TMEM132D: variants seen among roughly 807,000 people sequenced by gnomAD.
TMEM132D encodes the protein mature OL transmembrane protein.
Under a neutral mutation model 62.3 loss-of-function variants are expected in TMEM132D, and 21 were observed. The observed-to-expected ratio is 0.34, with a 90% CI of 0.24 to 0.49. TMEM132D has a LOEUF of 0.49. TMEM132D is among the 20% of genes least tolerant of loss of function. The pLI is 0.99. For missense variants in TMEM132D, 1,346 were observed against 1,402.8 expected, an observed-to-expected ratio of 0.96 and a Z score of 0.65; for synonymous variants, 621 against 575.6, an observed-to-expected ratio of 1.08 and a Z score of -1.13.
chr12:129,224,997 G>GAAA (rs1879444077), intron 4 of TMEM132D, among the ~76,000 whole-genome samples: 1 of 152,132 alleles, frequency 6.6e-6, no homozygotes, highest in Admixed American at 6.5e-5. Context: ...AATAAATACG[G>GAAA]AAACAGGAGA....
At chr12:129,638,343 G>C (rs1181009257) in intron 2 of TMEM132D, among the ~76,000 whole-genome samples, 2 of 151,934 alleles carry the variant, frequency 1.3e-5, no homozygotes, top group Admixed American at 6.5e-5. Context: ...ACACATCGGA[G>C]GGTAAGACAG....
intron 3 of TMEM132D, among the ~76,000 whole-genome samples, chr12:129,467,474 C>A (rs973409734): frequency 6.6e-6 from 1 of 152,112 alleles, no homozygotes; most frequent in Non-Finnish European, 1.5e-5. Context: ...CATGACCATC[C>A]CTGACCAATC....
In TMEM132D at chr12:129,209,707, C is replaced by T. The variant is rs202240571; in HGVS notation, c.1300-44G>A. ...CCTTCCATCACATCCCCTCCTGAGACGGCCCAGTCCCTGGGAGTATGCCGC... is the reference window on the plus strand; with the variant it reads ...CCTTCCATCACATCCCCTCCTGAGATGGCCCAGTCCCTGGGAGTATGCCGC... On this transcript the variant is annotated intron_variant, in intron 4 of 8. Coordinates refer to ENST00000422113, the MANE Select transcript of TMEM132D (RefSeq NM_133448.3). 1.1e-4 allele frequency: 173 copies of T among 1,608,628 alleles called. 1 individual carries two copies. In the East Asian group the frequency reaches 1.8e-3, roughly 16 times the overall value.
chr12:129,692,848 G>T (rs895562940), intron 2 of TMEM132D, among the ~76,000 whole-genome samples: 2 of 152,038 alleles, frequency 1.3e-5, no homozygotes, highest in African/African-American at 2.4e-5. Flanking sequence ...GGCCTGTCGG[G>T]GGAGGGCAGT....
intron 3 of TMEM132D, among the ~76,000 whole-genome samples, chr12:129,369,213 G>A (rs1870518590): frequency 2.0e-5 from 3 of 152,194 alleles, no homozygotes; most frequent in African/African-American, 7.2e-5. Context: ...TGTGGTGTCT[G>A]TGTGCAGACC....
intron 3 of TMEM132D, among the ~76,000 whole-genome samples, chr12:129,498,482 G>A (rs1875030423): frequency 6.6e-6 from 1 of 152,134 alleles, no homozygotes; most frequent in Non-Finnish European, 1.5e-5. Flanking sequence ...TTGAACTCCT[G>A]GCCTCAAGTG....
chr12:129,410,733 T>G, intron 3 of TMEM132D, among the ~76,000 whole-genome samples: 1 of 152,196 alleles, frequency 6.6e-6, no homozygotes, highest in East Asian at 1.9e-4. Context: ...TGGAAGTGAA[T>G]TGAATTTATA....
chr12:129,151,512 G>A (rs1453748978), intron 5 of TMEM132D, among the ~76,000 whole-genome samples: 2 of 152,166 alleles, frequency 1.3e-5, no homozygotes, highest in African/African-American at 2.4e-5. Context: ...ACCTGCCATC[G>A]TCATGCGACG....
chr12:129,421,172 G>A (rs145084764), intron 3 of TMEM132D, among the ~76,000 whole-genome samples: 4 of 151,828 alleles, frequency 2.6e-5, no homozygotes, highest in African/African-American at 7.3e-5. Flanking sequence ...CATGTTGTTC[G>A]GGCTGGTCTC....
chr12:129,379,373 CTG>C (rs1319208715), intron 3 of TMEM132D, among the ~76,000 whole-genome samples: 1 of 152,152 alleles, frequency 6.6e-6, no homozygotes, highest in South Asian at 2.1e-4. Context: ...ATGAATGAAA[CTG>C]TGATAAAGAT....
rs144780320 is a variant in TMEM132D, at chr12:129,769,274, G to A, written c.80-68576C>T. On this transcript the variant is annotated intron_variant, in intron 1 of 8. Transcript: ENST00000422113. ...GAACGACTCACAGTTCCACATGGCT[G>A]GGGAGGCCTCACAATCATGGCAGAA... is the stretch of plus-strand genomic sequence containing the variant. Among the ~76,000 whole-genome samples, 671 of 152,270 alleles carry A rather than the reference G, an allele frequency of 4.4e-3. 10 individuals carry two copies. The highest frequency in any genetic ancestry group is 0.026 in the Admixed American group (402 of 15,282).
At chr12:129,434,563 C>T (rs1872740309) in intron 3 of TMEM132D, among the ~76,000 whole-genome samples, 2 of 152,040 alleles carry the variant, frequency 1.3e-5, no homozygotes, top group African/African-American at 4.8e-5. Context: ...CCACCTAACC[C>T]AGGGCTGCAG....
chr12:129,525,226 G>GTTTTTTTTTTT (rs765569025), intron 3 of TMEM132D, among the ~76,000 whole-genome samples: 2 of 67,392 alleles, frequency 3.0e-5, no homozygotes, highest in Non-Finnish European at 2.9e-5. Flanking sequence ...TGCCCAGCCG[G>GTTTTTTTTTTT]TTTTTTTTTT....
intron 4 of TMEM132D, among the ~76,000 whole-genome samples, chr12:129,273,973 T>C (rs552982059): frequency 1.3e-5 from 2 of 151,944 alleles, no homozygotes; most frequent in East Asian, 3.9e-4. Context: ...TATGTTTTTA[T>C]GTTGCTGCTT....
intron 4 of TMEM132D, among the ~76,000 whole-genome samples, chr12:129,239,281 C>G (rs1879869752): frequency 6.6e-6 from 1 of 152,118 alleles, no homozygotes. Context: ...AAATCCTTGC[C>G]AAATCCAATG....
intron 3 of TMEM132D, among the ~76,000 whole-genome samples, chr12:129,356,938 A>AGGGGC (rs1401728846): frequency 9.6e-5 from 1 of 10,440 alleles, no homozygotes; most frequent in Admixed American, 1.2e-3. Flanking sequence ...AGGAGAGGGG[A>AGGGGC]GGGGAGGGGA....
intron 4 of TMEM132D, among the ~76,000 whole-genome samples, chr12:129,282,825 A>G (rs553596439): frequency 6.6e-6 from 1 of 152,312 alleles, no homozygotes; most frequent in South Asian, 2.1e-4. Flanking sequence ...AGCACAGGCA[A>G]TGGAAAAGAA....
chr12:129,302,872 G>C (rs1006368744), intron 4 of TMEM132D, among the ~76,000 whole-genome samples: 1 of 152,164 alleles, frequency 6.6e-6, no homozygotes, highest in Admixed American at 6.5e-5. Context: ...TAAAGCAAGG[G>C]ACAGAGGCCT....
chr12:129,177,664 G>A (rs1016789654), intron 5 of TMEM132D, among the ~76,000 whole-genome samples: 8 of 152,128 alleles, frequency 5.3e-5, no homozygotes, highest in East Asian at 1.9e-4. Flanking sequence ...AGGCTGAGGC[G>A]GGAGGATTGC....
Sources: allele counts gnomAD v4.1 joint callset (sites outside exome capture counted in the v4.1 genomes callset), GRCh38; gene constraint gnomAD v4.1.1; transcripts MANE v1.5; gene names NCBI Gene and HGNC (gene_info 2026-07-23, HGNC 2026-07-21).